PCDHGA5: variants seen among roughly 807,000 people sequenced by gnomAD.
The protein encoded by PCDHGA5 is protocadherin gamma-A5.
PCDHGA5 carries 36 observed loss-of-function variants against 56.7 expected under a neutral mutation model. The ratio of observed to expected loss-of-function variants is 0.64; its 90% CI spans 0.49 to 0.84. PCDHGA5 has a LOEUF of 0.84. PCDHGA5 is among the 40% of genes least tolerant of loss of function. The probability of loss-of-function intolerance (pLI) is 0.00; values close to 1 mark genes in which losing one functional copy is unlikely to be tolerated. For missense variants in PCDHGA5, 1,305 were observed against 1,201.5 expected (o/e 1.09, Z -1.27); for synonymous variants, 563 against 520.2 (o/e 1.08, Z -1.12).
chr5:141,458,463 C>T (rs749353395), intron 1 of PCDHGA5, among the ~76,000 whole-genome samples: 15 of 151,844 alleles, frequency 9.9e-5, no homozygotes, highest in Admixed American at 8.5e-4. Flanking sequence ...TTTAAAATAC[C>T]GTACAACTGC....
chr5:141,408,475 C>A, intron 1 of PCDHGA5: 3 of 1,614,032 alleles, frequency 1.9e-6, no homozygotes, highest in Non-Finnish European at 1.7e-6. Flanking sequence ...ACCGAATAGA[C>A]CGTGAGCAAA....
intron 1 of PCDHGA5, chr5:141,413,303 T>G (rs772421197): frequency 6.8e-6 from 11 of 1,613,942 alleles, no homozygotes; most frequent in Middle Eastern, 3.3e-4. Flanking sequence ...CCTGAGGAAT[T>G]AGAGAAAGGC....
At chr5:141,419,297 G>A (rs1460451634) in intron 1 of PCDHGA5, 1 of 1,614,048 alleles carries the variant, frequency 6.2e-7, no homozygotes, top group Admixed American at 1.7e-5. Context: ...CTCTGACCCA[G>A]ACTTCGGGCT....
In PCDHGA5 at chr5:141,490,175, A is replaced by C; in HGVS notation, c.2422-4632A>C. The C allele has an allele frequency of 1.9e-6, 3 of 1,614,194 alleles. No homozygotes were observed. Among genetic ancestry groups the C allele is most frequent in the East Asian group, 4.5e-5 (2 of 44,884 alleles). On this transcript the variant is annotated intron_variant, in intron 1 of 3. Coordinates refer to ENST00000518069, the MANE Select transcript of PCDHGA5 (RefSeq NM_018918.3). This position sits in a 1 kb window ranked among gnomAD's most constrained non-coding sequence, Gnocchi z 5.4. ...GTGTTGGGTCCCATAGACTTTGAGG[A>C]GTCACGTTTCTATGAAATTCATGCA...
At position 141,399,193 on chromosome 5, in the gene PCDHGA5, G is replaced by A. The variant is rs138699584; in HGVS notation, c.2421+32442G>A. ...TCTACTTGAAATGATTCTGGAAAAC[G>A]CGGTGCCTGGAACACTAATTGCTTT... is the stretch of plus-strand genomic sequence containing the variant. On this transcript the variant is annotated intron_variant, in intron 1 of 3. Transcript: ENST00000518069. The A allele has an allele frequency of 4.9e-3, 7,970 of 1,613,820 alleles. 45 individuals are homozygous for A. Among genetic ancestry groups the A allele is most frequent in the Admixed American group, 9.4e-3 (567 of 60,008 alleles).
intron 1 of PCDHGA5, chr5:141,413,494 G>C: frequency 6.2e-7 from 1 of 1,614,042 alleles, no homozygotes; most frequent in Non-Finnish European, 8.5e-7. Flanking sequence ...CGCGCGGTGC[G>C]TGGTGAGTTT....
At chr5:141,393,370 A>G (rs2092740114) in intron 1 of PCDHGA5, 5 of 1,613,954 alleles carry the variant, frequency 3.1e-6, no homozygotes, top group Non-Finnish European at 2.5e-6. Context: ...CAGACTGGAG[A>G]CAATGGAGCC....
Position 141,431,374 on chromosome 5 carries a change from GGCT to G in PCDHGA5, c.2422-63429_2422-63427del, listed in dbSNP as rs752583215. The G allele has an allele frequency of 1.7e-4, 275 of 1,613,980 alleles. No individual in the cohort carries two copies. Among genetic ancestry groups the G allele is most frequent in the Non-Finnish European group, 2.0e-4 (238 of 1,180,036 alleles). On this transcript the variant is annotated intron_variant, in intron 1 of 3. Coordinates refer to ENST00000518069, the MANE Select transcript of PCDHGA5 (RefSeq NM_018918.3). This position sits in a 1 kb window ranked among gnomAD's most constrained non-coding sequence, Gnocchi z 4.8. Reference sequence around the variant, plus strand: ...AACGCGCCCTGGACCGCGAAGAAAAGGCTGCTCACCACCTGGTCCTTACGGCCT... The same window carrying G: ...AACGCGCCCTGGACCGCGAAGAAAAGGCTCACCACCTGGTCCTTACGGCCT...
At chr5:141,475,778 T>A (rs1204790631) in intron 1 of PCDHGA5, among the ~76,000 whole-genome samples, 1 of 152,400 alleles carries the variant, frequency 6.6e-6, no homozygotes. Context: ...GCGCTTTGGC[T>A]GGAAACTCTG....
chr5:141,364,631 C>G lies in PCDHGA5; in HGVS notation c.301C>G (p.Leu101Val), dbSNP rs1185319581. ...GGAGGAGCTCTGCGCTCAGAGCCCA[C>G]TGTGTGTGGTGAACTTTAACATCTT... ...DREELCAQSPLCVVNFNILVE... is the reference protein window; with the variant it reads ...DREELCAQSPVCVVNFNILVE... Residue 101 changes from leucine to valine, a missense_variant, in exon 1 of 4, where the codon CTG (leucine) becomes GTG (valine). By Grantham distance (32) the Leu-to-Val change is conservative. Coordinates refer to ENST00000518069, the MANE Select transcript of PCDHGA5 (RefSeq NM_018918.3). 1.2e-6 allele frequency: 2 copies of G among 1,614,122 alleles called. No individual in the cohort carries two copies. Among genetic ancestry groups the G allele is most frequent in the East Asian group, 2.2e-5 (1 of 44,886 alleles).
intron 1 of PCDHGA5, chr5:141,374,293 T>C (rs369929839): frequency 1.2e-6 from 2 of 1,613,788 alleles, no homozygotes; most frequent in African/African-American, 1.3e-5. Context: ...TCTCCAGAGG[T>C]AGGATGCAGC....
intron 1 of PCDHGA5, chr5:141,393,354 G>T: frequency 6.2e-7 from 1 of 1,613,944 alleles, no homozygotes; most frequent in African/African-American, 1.3e-5. Flanking sequence ...CTTCTCCCTG[G>T]ACGTGCAGAC....
intron 3 of PCDHGA5, among the ~76,000 whole-genome samples, chr5:141,506,682 C>A (rs1333272766): frequency 6.6e-6 from 1 of 152,192 alleles, no homozygotes; most frequent in East Asian, 1.9e-4. Context: ...ATATTATTAT[C>A]TTTGCTGACC....
At chr5:141,372,612 C>G in intron 1 of PCDHGA5, 1 of 1,614,004 alleles carries the variant, frequency 6.2e-7, no homozygotes, top group Non-Finnish European at 8.5e-7. Flanking sequence ...ACCTGGAGTT[C>G]TCCCCACCTA....
chr5:141,404,300 C>T (rs749132060), intron 1 of PCDHGA5: 3 of 1,613,862 alleles, frequency 1.9e-6, no homozygotes, highest in South Asian at 2.2e-5. Flanking sequence ...TGATAATCCA[C>T]CTGCTTTCTC....
intron 1 of PCDHGA5, chr5:141,418,251 C>G: frequency 6.2e-7 from 1 of 1,614,058 alleles, no homozygotes; most frequent in Non-Finnish European, 8.5e-7. Context: ...GACCACGCCC[C>G]TCAATTCCGG....
At position 141,511,216 on chromosome 5, in the gene PCDHGA5, C is replaced by G. The variant is rs374915167; in HGVS notation, c.*43C>G. Reference sequence around the variant, plus strand: ...GAGCCACAGGGCGGCCTCTCCCCAACCAGCCCAGCTTCTCCTTACCTGCAC... The same window carrying G: ...GAGCCACAGGGCGGCCTCTCCCCAAGCAGCCCAGCTTCTCCTTACCTGCAC... On this transcript the variant is annotated 3_prime_UTR_variant, in exon 4 of 4. Coordinates refer to ENST00000518069, the MANE Select transcript of PCDHGA5 (RefSeq NM_018918.3). 4.2e-5 allele frequency: 68 copies of G among 1,608,004 alleles called. No individual in the cohort carries two copies. The highest frequency in any genetic ancestry group is 6.7e-5 in the East Asian group (3 of 44,538).
In PCDHGA5 at chr5:141,431,469, A is replaced by G; in HGVS notation, c.2422-63338A>G. 1.9e-6 allele frequency: 3 copies of G among 1,613,824 alleles called. No individual in the cohort carries two copies. Among genetic ancestry groups the G allele is most frequent in the Non-Finnish European group, 2.5e-6 (3 of 1,179,968 alleles). ...CGCGTGATGGTTCTGGATGCGAACG[A>G]CAACGCACCAGCGTTTGCTCAGCCC... is the stretch of plus-strand genomic sequence containing the variant. On this transcript the variant is annotated intron_variant, in intron 1 of 3. Coordinates refer to ENST00000518069, the MANE Select transcript of PCDHGA5 (RefSeq NM_018918.3). This position sits in a 1 kb window ranked among gnomAD's most constrained non-coding sequence, Gnocchi z 4.8.
rs569220332 is a variant in PCDHGA5, at chr5:141,475,688, A to G, written c.2422-19119A>G. 2.0e-5 allele frequency among the ~76,000 whole-genome samples: 3 copies of G among 152,330 alleles called. No homozygotes were observed. In the South Asian group the frequency reaches 6.2e-4, roughly 32 times the overall value. On this transcript the variant is annotated intron_variant, in intron 1 of 3. Coordinates refer to ENST00000518069, the MANE Select transcript of PCDHGA5 (RefSeq NM_018918.3). ...TTTAATGAGTCTTGATTTGGATTGG[A>G]GACTTGCAGAACGGCTAGCCTCACA...
Sources: gnomAD v4.1 joint callset for allele counts (sites outside exome capture counted in the v4.1 genomes callset) on GRCh38, gnomAD v4.1.1 for gene constraint, Gnocchi (gnomAD v3.1) non-coding constraint, MANE v1.5 for transcripts, NCBI Gene and HGNC (gene_info 2026-07-23, HGNC 2026-07-21) for gene names.